UBE3C: variants seen among roughly 807,000 people sequenced by gnomAD.
UBE3C encodes the protein ubiquitin-protein ligase E3C.
In UBE3C, 42 loss-of-function variants were observed where a neutral mutation model predicts 129.4. That is an observed-to-expected ratio of 0.32 (90% CI 0.25 to 0.42). UBE3C has a LOEUF of 0.42. Among genes scored for constraint, UBE3C ranks in the 10% least tolerant of loss-of-function variants. The pLI, the probability that UBE3C is intolerant of heterozygous loss-of-function variation, is 1.00. For missense variants in UBE3C, 1,049 were observed against 1,319.1 expected (o/e 0.80, Z 3.17); for synonymous variants, 510 against 492.4 (o/e 1.04, Z -0.47).
intron 18 of UBE3C, among the ~76,000 whole-genome samples, chr7:157,245,735 TATCAGAC>T (rs1484798184): frequency 3.9e-5 from 6 of 152,166 alleles, no homozygotes; most frequent in Non-Finnish European, 8.8e-5. Flanking sequence ...CGGCTCTAGT[TATCAGAC>T]ATGTGCCTGA....
intron 16 of UBE3C, 25 bp from the exon 17 acceptor site, chr7:157,225,382 C>A: frequency 1.3e-6 from 2 of 1,586,086 alleles, no homozygotes; most frequent in Non-Finnish European, 1.7e-6. Context: ...TTTCTAATAA[C>A]CTTACAGCTT....
chr7:157,155,438 T>A (rs529407547), intron 1 of UBE3C, among the ~76,000 whole-genome samples: 12 of 152,322 alleles, frequency 7.9e-5, no homozygotes, highest in South Asian at 2.1e-4. Flanking sequence ...GGGTTTTTTT[T>A]AAATCAAGAT....
intron 10 of UBE3C, among the ~76,000 whole-genome samples, chr7:157,193,942 CTAT>C (rs1360940225): frequency 2.6e-5 from 4 of 152,128 alleles, no homozygotes; most frequent in African/African-American, 9.7e-5. Flanking sequence ...TTTTGGAAGA[CTAT>C]TATTTACAAA....
At chr7:157,156,269 C>G (rs1331293440) in intron 1 of UBE3C, among the ~76,000 whole-genome samples, 2 of 150,398 alleles carry the variant, frequency 1.3e-5, no homozygotes, top group East Asian at 1.9e-4. Flanking sequence ...AATACTAGAG[C>G]CTTTCACCTC....
chr7:157,260,259 G>T (rs940845151), intron 22 of UBE3C, among the ~76,000 whole-genome samples: 2 of 152,098 alleles, frequency 1.3e-5, no homozygotes, highest in African/African-American at 2.4e-5. Context: ...ACAACAGTGA[G>T]TGCGGAGAAA....
chr7:157,257,269 A>G (rs1306877934), intron 22 of UBE3C, among the ~76,000 whole-genome samples: 1 of 152,188 alleles, frequency 6.6e-6, no homozygotes, highest in Admixed American at 6.5e-5. Context: ...ATAGTTACAC[A>G]TTGTGGTTAT....
intron 19 of UBE3C, among the ~76,000 whole-genome samples, chr7:157,253,061 T>C (rs1012623745): frequency 1.3e-5 from 2 of 152,216 alleles, no homozygotes; most frequent in African/African-American, 2.4e-5. Flanking sequence ...ATAAATACTT[T>C]TTAAAAATTT....
intron 1 of UBE3C, among the ~76,000 whole-genome samples, chr7:157,161,715 A>G (rs561859170): frequency 3.5e-4 from 54 of 152,136 alleles, no homozygotes; most frequent in African/African-American, 9.9e-4. Context: ...TGGCCTTCCA[A>G]AGTGCTCGGA....
chr7:157,188,050 C>T (rs1462684490), intron 10 of UBE3C, among the ~76,000 whole-genome samples: 4 of 152,118 alleles, frequency 2.6e-5, no homozygotes, highest in Non-Finnish European at 4.4e-5. Flanking sequence ...GTTTTCTCTC[C>T]CTCCAATTTG....
intron 13 of UBE3C, 100 bp downstream of exon 13, chr7:157,208,035 A>G: frequency 2.9e-6 from 1 of 347,612 alleles, no homozygotes; most frequent in Non-Finnish European, 4.6e-6. Context: ...TTTGTTTCAG[A>G]CATGTTTTAA....
intron 10 of UBE3C, chr7:157,192,408 C>T (rs1295396180): frequency 2.8e-6 from 2 of 712,944 alleles, no homozygotes; most frequent in Non-Finnish European, 2.6e-6. Flanking sequence ...AAGACCATCA[C>T]CCTCAAGGTT....
chr7:157,212,980 A>G (rs1340629190), intron 13 of UBE3C, among the ~76,000 whole-genome samples: 1 of 151,360 alleles, frequency 6.6e-6, no homozygotes, highest in African/African-American at 2.4e-5. Flanking sequence ...CTGGTCTTGA[A>G]CTCCTAGGCT....
chr7:157,251,048 TATAG>T (rs1269420364), intron 19 of UBE3C, among the ~76,000 whole-genome samples: 11 of 152,322 alleles, frequency 7.2e-5, no homozygotes, highest in East Asian at 3.9e-4. Flanking sequence ...GTTAAAAAAT[TATAG>T]ATAATGTATG....
intron 1 of UBE3C, among the ~76,000 whole-genome samples, chr7:157,146,265 G>T (rs979242910): frequency 6.0e-5 from 9 of 150,920 alleles, no homozygotes; most frequent in Admixed American, 6.6e-5. Context: ...TTTTTGAGAC[G>T]AAGTCTCGCT....
At chr7:157,218,245 C>T (rs28588639) in intron 14 of UBE3C, among the ~76,000 whole-genome samples, 15,811 of 151,640 alleles carry the variant, frequency 0.1, 930 homozygotes, top group African/African-American at 0.15. Context: ...TAGGAGTTTG[C>T]GACCAGCCTG....
At chr7:157,195,401 T>C (rs1342104144) in intron 10 of UBE3C, among the ~76,000 whole-genome samples, 5 of 152,184 alleles carry the variant, frequency 3.3e-5, no homozygotes, top group Non-Finnish European at 4.4e-5. Context: ...TGCTACCTTT[T>C]GTGAAAAAGT....
At chr7:157,201,561 G>A (rs763069733) in intron 10 of UBE3C, among the ~76,000 whole-genome samples, 160 bp from the exon 11 acceptor site, 1 of 148,780 alleles carries the variant, frequency 6.7e-6, no homozygotes, top group Non-Finnish European at 1.5e-5. Flanking sequence ...TCATCAAATG[G>A]CTGGTTGTCT....
Position 157,269,266 on chromosome 7 carries a change from T to C in UBE3C, c.*1511T>C, listed in dbSNP as rs1797161937. 1 of 152,416 alleles carries C rather than the reference T, an allele frequency of 6.6e-6. No homozygotes were observed. The highest frequency in any genetic ancestry group is 1.5e-5 in the Non-Finnish European group (1 of 68,046). The allele number at this position is 152,416 out of a possible 1,614,324, so 9.4% of individuals were successfully genotyped here. A position where few individuals can be genotyped will look rare whatever the true frequency, so the allele number is the denominator to read the frequency against. The stretch of plus-strand genomic sequence containing the variant: ...AGCATATCTGAGACTGAAGAGAAAT[T>C]GACAATTCACTTATTTGTGGTTTTT... On this transcript the variant is annotated 3_prime_UTR_variant, in exon 23 of 23. Transcript: ENST00000348165.
rs1034719711 is a variant in UBE3C at position 157,139,027 on chromosome 7, C to T, written c.-246C>T. 3.2e-5 allele frequency: 5 copies of T among 155,010 alleles called. No individual in the cohort carries two copies. Among genetic ancestry groups the T allele is most frequent in the Middle Eastern group, 6.5e-3 (2 of 306 alleles). 9.6% of individuals were successfully genotyped at this position (155,010 alleles called of 1,614,324 possible). On this transcript the variant is annotated 5_prime_UTR_variant, in exon 1 of 23. Transcript: ENST00000348165. ...CTGGGCGCCCCTGCAGCGGCCCGAG[C>T]TGTGGCCGGCGTGGATGAGGGGCAG...
Sources: gnomAD v4.1 joint callset for allele counts (sites outside exome capture counted in the v4.1 genomes callset) on GRCh38, gnomAD v4.1.1 for gene constraint, MANE v1.5 for transcripts, NCBI Gene and HGNC (gene_info 2026-07-23, HGNC 2026-07-21) for gene names.